The following SYCP2L variants were observed in gnomAD, a reference collection of about 807,000 sequenced individuals.
SYCP2L encodes the protein synaptonemal complex protein 2-like.
SYCP2L carries 98 observed loss-of-function variants against 125.8 expected under a neutral mutation model. The ratio of observed to expected loss-of-function variants is 0.78; its 90% CI spans 0.66 to 0.92. The LOEUF is 0.92. SYCP2L is among the 40% of genes least tolerant of loss of function. SYCP2L has a pLI of 0.00. For synonymous variants in SYCP2L, 317 were observed against 325.4 expected, an observed-to-expected ratio of 0.97 and a Z score of 0.28; for missense variants, 842 against 936.4, an observed-to-expected ratio of 0.90 and a Z score of 1.32.
chr6:10,961,078 CA>C (rs112283703), intron 26 of SYCP2L, among the ~76,000 whole-genome samples: 47,125 of 117,508 alleles, frequency 0.4, 8,536 homozygotes, highest in African/African-American at 0.55. Context: ...AACTCCATCT[CA>C]AAAAAAAAAA....
At chr6:10,951,761 A>G (rs1217381021) in intron 23 of SYCP2L, among the ~76,000 whole-genome samples, 1 of 152,216 alleles carries the variant, frequency 6.6e-6, no homozygotes, top group East Asian at 1.9e-4. Flanking sequence ...TGTTTACCAC[A>G]GGGTGTCACT....
intron 19 of SYCP2L, among the ~76,000 whole-genome samples, chr6:10,930,896 T>G (rs1401065532): frequency 6.6e-6 from 1 of 152,164 alleles, no homozygotes; most frequent in Non-Finnish European, 1.5e-5. Context: ...TACAAGGGCA[T>G]GCATGGTGGC....
chr6:10,957,104 C>T (rs1161627309), intron 25 of SYCP2L, among the ~76,000 whole-genome samples: 1 of 152,202 alleles, frequency 6.6e-6, no homozygotes, highest in African/African-American at 2.4e-5. Flanking sequence ...GCTGAGATTA[C>T]AGGTGTGAGC....
At chr6:10,972,122 TA>T (rs1781784739) in intron 29 of SYCP2L, among the ~76,000 whole-genome samples, 1 of 152,268 alleles carries the variant, frequency 6.6e-6, no homozygotes, top group Non-Finnish European at 1.5e-5. Context: ...ATAACTTATA[TA>T]TTTTTCCCTA....
At chr6:10,941,548 A>G (rs1048735928) in intron 21 of SYCP2L, among the ~76,000 whole-genome samples, 20 of 152,392 alleles carry the variant, frequency 1.3e-4, no homozygotes, top group Middle Eastern at 3.4e-3. Context: ...ACATGAAAAA[A>G]TGCTCACCAT....
Position 10,894,210 on chromosome 6 carries a change from T to G in SYCP2L, c.336+6T>G, listed in dbSNP as rs1295982718. 6.2e-7 allele frequency: 1 copy of G among 1,611,434 alleles called. No homozygotes were observed. Among genetic ancestry groups the G allele is most frequent in the Non-Finnish European group, 8.5e-7 (1 of 1,179,544 alleles). ...GGCAGGGACTGATCCCAAAGATAAG[T>G]GTCCTATTTTAATTTTATATGGCTT... On this transcript the variant is annotated splice_donor_region_variant and intron_variant, in intron 4 of 29. Transcript: ENST00000283141.
At chr6:10,955,003 G>C in intron 23 of SYCP2L, 113 bp from the exon 24 acceptor site, 1 of 723,214 alleles carries the variant, frequency 1.4e-6, no homozygotes, top group Non-Finnish European at 2.4e-6. Context: ...TAACTCATTA[G>C]CAACAGGCAG....
chr6:10,908,310 G>A (rs1780541929), intron 10 of SYCP2L, among the ~76,000 whole-genome samples: 1 of 152,200 alleles, frequency 6.6e-6, no homozygotes, highest in Non-Finnish European at 1.5e-5. Flanking sequence ...GAAGAAATCA[G>A]AGCATTTTTG....
intron 14 of SYCP2L, among the ~76,000 whole-genome samples, chr6:10,918,983 A>G (rs1313535535): frequency 1.3e-5 from 2 of 152,052 alleles, no homozygotes; most frequent in Admixed American, 1.3e-4. Flanking sequence ...CACTTCTTGT[A>G]TGATTTTTTT....
intron 1 of SYCP2L, among the ~76,000 whole-genome samples, chr6:10,888,045 C>T (rs1296789175): frequency 1.4e-5 from 2 of 143,590 alleles, no homozygotes; most frequent in African/African-American, 2.6e-5. Flanking sequence ...CACTCCAATC[C>T]TTCCATATAG....
At chr6:10,919,054 C>T (rs926530148) in intron 14 of SYCP2L, among the ~76,000 whole-genome samples, 1 of 152,182 alleles carries the variant, frequency 6.6e-6, no homozygotes, top group African/African-American at 2.4e-5. Flanking sequence ...AATAACTAAC[C>T]TCCTGAATTC....
At chr6:10,893,278 G>A (rs562442956) in intron 2 of SYCP2L, among the ~76,000 whole-genome samples, 1 of 152,320 alleles carries the variant, frequency 6.6e-6, no homozygotes, top group East Asian at 1.9e-4. Context: ...GATTACAGGC[G>A]TGCGCCACTG....
intron 25 of SYCP2L, 118 bp from the exon 26 acceptor site, chr6:10,958,666 A>T: frequency 1.1e-6 from 1 of 905,652 alleles, no homozygotes; most frequent in Non-Finnish European, 1.7e-6. Flanking sequence ...CTTGCTTAGC[A>T]CTCACATTTG....
At chr6:10,911,894 C>CT (rs58800098) in intron 12 of SYCP2L, among the ~76,000 whole-genome samples, 10,279 of 50,402 alleles carry the variant, frequency 0.2, 2,345 homozygotes, top group Non-Finnish European at 0.24. Flanking sequence ...GGAATAAAAG[C>CT]TTTTTTTTTT....
chr6:10,888,986 C>T (rs1444952307), intron 1 of SYCP2L, among the ~76,000 whole-genome samples: 4 of 152,094 alleles, frequency 2.6e-5, no homozygotes, highest in South Asian at 4.2e-4. Flanking sequence ...CTCAGCCTCA[C>T]GAGTAGCTGG....
intron 21 of SYCP2L, among the ~76,000 whole-genome samples, chr6:10,939,848 C>T (rs896776566): frequency 3.3e-5 from 5 of 152,146 alleles, no homozygotes; most frequent in African/African-American, 1.2e-4. Flanking sequence ...ACTTTTGGGA[C>T]TATGTCATAC....
intron 17 of SYCP2L, among the ~76,000 whole-genome samples, 175 bp downstream of exon 17, chr6:10,927,542 G>T (rs979190487): frequency 5.9e-5 from 9 of 152,152 alleles, no homozygotes. Context: ...TTTTCAAAAG[G>T]GGAGGGAGTG....
Position 10,954,415 on chromosome 6 carries a change from G to A in SYCP2L, c.1955-701G>A, listed in dbSNP as rs1017522172. Among the ~76,000 whole-genome samples, 1 of 152,110 alleles carries A rather than the reference G, an allele frequency of 6.6e-6. No individual in the cohort carries two copies. Among genetic ancestry groups the A allele is most frequent in the African/African-American group, 2.4e-5 (1 of 41,432 alleles). The stretch of plus-strand genomic sequence containing the variant: ...TTTGGGCAGGAACTCAGAGAGGGAG[G>A]GATTCATTCCATAGGCAGAACCTTG... On this transcript the variant is annotated intron_variant, in intron 23 of 29. Transcript: ENST00000283141. This position sits in a 1 kb window ranked among gnomAD's most constrained non-coding sequence, Gnocchi z 4.8.
rs147532831 is a variant in SYCP2L, at chr6:10,969,812, G to A, written c.*38-4140G>A. ...TGATATGCCATGTAGCCACTACAAAGAAAGATTTACATGATATTAATTGAC... is the reference window on the plus strand; with the variant it reads ...TGATATGCCATGTAGCCACTACAAAAAAAGATTTACATGATATTAATTGAC... On this transcript the variant is annotated intron_variant, in intron 29 of 29. Transcript: ENST00000283141. 9.2e-5 allele frequency among the ~76,000 whole-genome samples: 14 copies of A among 152,258 alleles called. No homozygotes were observed. The East Asian group carries it at 2.7e-3, about 29-fold the overall frequency.
Sources: allele counts gnomAD v4.1 joint callset (sites outside exome capture counted in the v4.1 genomes callset), GRCh38; gene constraint gnomAD v4.1.1; non-coding constraint Gnocchi (gnomAD v3.1); transcripts MANE v1.5; gene names NCBI Gene and HGNC (gene_info 2026-07-23, HGNC 2026-07-21).